Variants in SUMF1 observed in about 807,000 individuals in gnomAD.
SUMF1 encodes the protein sulfatase modifying factor 1, also known as formylglycine-generating enzyme.
A neutral mutation model predicts 47.6 loss-of-function variants in SUMF1; 48 were observed. That is an observed-to-expected ratio of 1.01 (90% CI 0.80 to 1.28). The LOEUF (loss-of-function observed/expected upper bound fraction) is 1.28. Among genes scored for constraint, SUMF1 ranks in the 50% most tolerant of loss-of-function variants. The probability of loss-of-function intolerance (pLI) is 0.00; values close to 1 mark genes in which losing one functional copy is unlikely to be tolerated. For synonymous variants in SUMF1, 230 were observed against 192.1 expected, an observed-to-expected ratio of 1.20 and a Z score of -1.63; for missense variants, 571 against 485.4, an observed-to-expected ratio of 1.18 and a Z score of -1.66.
At chr3:4,278,226 T>C (rs1404145826) in intron 8 of SUMF1, among the ~76,000 whole-genome samples, 1 of 152,084 alleles carries the variant, frequency 6.6e-6, no homozygotes, top group Non-Finnish European at 1.5e-5. Flanking sequence ...TATTATGGCA[T>C]GTTCTATAAT....
chr3:4,272,672 G>T (rs918700814), intron 8 of SUMF1, among the ~76,000 whole-genome samples: 1 of 152,128 alleles, frequency 6.6e-6, no homozygotes, highest in Admixed American at 6.5e-5. Flanking sequence ...AAACACAGTG[G>T]CAAAAAGTGT....
At chr3:4,272,965 C>T (rs1001806500) in intron 8 of SUMF1, among the ~76,000 whole-genome samples, 3 of 151,934 alleles carry the variant, frequency 2.0e-5, no homozygotes, top group African/African-American at 7.3e-5. Flanking sequence ...GTCCTGGCTA[C>T]ACAGGAGGCC....
At position 4,039,015 on chromosome 3, in the gene SUMF1, G is replaced by C. The variant is rs573025434; in HGVS notation, c.1191+29554C>G. ...TAGCATATCATAATATTTACATTTT[G>C]TTTGAAAAGAGAACTACCTAAATGC... On this transcript the variant is annotated intron_variant and NMD_transcript_variant, in intron 9 of 12. Coordinates refer to the SUMF1 transcript ENST00000448413. Among the ~76,000 whole-genome samples, 8 of 152,060 alleles carry C rather than the reference G, an allele frequency of 5.3e-5. No homozygotes were observed. In the South Asian group the frequency reaches 1.7e-3, roughly 32 times the overall value.
chr3:4,194,513 G>A (rs573937588), intron 8 of SUMF1, among the ~76,000 whole-genome samples: 3 of 152,208 alleles, frequency 2.0e-5, no homozygotes, highest in East Asian at 3.9e-4. Flanking sequence ...ACATAGAGAT[G>A]GGCCAAGATA....
At chr3:4,233,892 T>C (rs565638541) in intron 8 of SUMF1, among the ~76,000 whole-genome samples, 5 of 152,162 alleles carry the variant, frequency 3.3e-5, no homozygotes, top group Non-Finnish European at 7.4e-5. Context: ...AAATATTCAT[T>C]TGTACCCAGA....
intron 8 of SUMF1, among the ~76,000 whole-genome samples, chr3:4,291,626 C>T (rs1158602774): frequency 6.6e-6 from 1 of 152,122 alleles, no homozygotes; most frequent in African/African-American, 2.4e-5. Context: ...TCAGTGATTC[C>T]ATGATCCTGT....
chr3:4,135,196 T>C (rs1014516749), intron 8 of SUMF1, among the ~76,000 whole-genome samples: 1 of 152,094 alleles, frequency 6.6e-6, no homozygotes, highest in Non-Finnish European at 1.5e-5. Context: ...ACCAATATCC[T>C]TGATGAATAT....
intron 6 of SUMF1, among the ~76,000 whole-genome samples, chr3:4,414,393 C>CTAGG (rs1701640695): frequency 6.6e-6 from 1 of 152,174 alleles, no homozygotes; most frequent in Non-Finnish European, 1.5e-5. Flanking sequence ...GAGCTATTTC[C>CTAGG]CTGTAGTCCA....
At chr3:4,293,583 C>T (rs1261210255) in intron 8 of SUMF1, among the ~76,000 whole-genome samples, 1 of 151,958 alleles carries the variant, frequency 6.6e-6, no homozygotes, top group African/African-American at 2.4e-5. Context: ...TATTCAGTTC[C>T]CTCACTCAGG....
intron 8 of SUMF1, among the ~76,000 whole-genome samples, chr3:4,111,293 C>G (rs1393134746): frequency 6.6e-6 from 1 of 151,952 alleles, no homozygotes; most frequent in South Asian, 2.1e-4. Flanking sequence ...TGAAAAAGGT[C>G]CACATGGAAG....
intron 8 of SUMF1, among the ~76,000 whole-genome samples, chr3:4,180,751 G>A (rs138398981): frequency 6.9e-6 from 1 of 145,048 alleles, no homozygotes; most frequent in Non-Finnish European, 1.5e-5. Flanking sequence ...TATTTGGGAG[G>A]CTGAGGTGGA....
At chr3:4,245,256 C>G (rs572662895) in intron 8 of SUMF1, among the ~76,000 whole-genome samples, 1 of 152,248 alleles carries the variant, frequency 6.6e-6, no homozygotes, top group Non-Finnish European at 1.5e-5. Flanking sequence ...CAAACTCATT[C>G]TCCATCCAGT....
intron 8 of SUMF1, among the ~76,000 whole-genome samples, chr3:4,216,508 A>G (rs959243186): frequency 1.3e-5 from 2 of 152,220 alleles, no homozygotes; most frequent in African/African-American, 4.8e-5. Context: ...AAAGCACCAA[A>G]AGCAATGGCG....
intron 8 of SUMF1, among the ~76,000 whole-genome samples, chr3:4,294,800 C>T (rs1209646344): frequency 2.0e-5 from 3 of 151,904 alleles, no homozygotes; most frequent in Non-Finnish European, 4.4e-5. Context: ...CAATGTTTAT[C>T]GCAAATGGGA....
At chr3:4,243,020 T>C (rs1425265275) in intron 8 of SUMF1, among the ~76,000 whole-genome samples, 1 of 151,384 alleles carries the variant, frequency 6.6e-6, no homozygotes, top group Non-Finnish European at 1.5e-5. Context: ...TATGTATCCA[T>C]TTCTTCTAGA....
chr3:4,238,547 T>C (rs1696462218), intron 8 of SUMF1, among the ~76,000 whole-genome samples: 1 of 152,222 alleles, frequency 6.6e-6, no homozygotes, highest in Non-Finnish European at 1.5e-5. Context: ...GTTTTTCATA[T>C]GTCTGTTGGC....
chr3:4,213,651 G>C (rs1695849827), intron 8 of SUMF1, among the ~76,000 whole-genome samples: 1 of 152,164 alleles, frequency 6.6e-6, no homozygotes, highest in Admixed American at 6.5e-5. Flanking sequence ...TCAGTGTGCT[G>C]TATTCAGGAG....
chr3:4,228,153 C>T (rs892119168), intron 8 of SUMF1, among the ~76,000 whole-genome samples: 5 of 151,970 alleles, frequency 3.3e-5, no homozygotes, highest in Admixed American at 6.6e-5. Context: ...ATGTGGATGA[C>T]TTTGTAAGTC....
intron 8 of SUMF1, among the ~76,000 whole-genome samples, chr3:4,271,466 T>TATAG (rs3048196): frequency 0.038 from 4,174 of 108,422 alleles, 52 homozygotes; most frequent in East Asian, 0.056. Context: ...TTATACTATC[T>TATAG]ATAGATAGAT....
Sources: allele counts gnomAD v4.1 joint callset (sites outside exome capture counted in the v4.1 genomes callset), GRCh38; gene constraint gnomAD v4.1.1; transcripts MANE v1.5; gene names NCBI Gene and HGNC (gene_info 2026-07-23, HGNC 2026-07-21).